The following CSRNP3 variants were observed in gnomAD, a reference collection of about 807,000 sequenced individuals.
CSRNP3 encodes the protein cysteine and serine rich nuclear protein 3, also known as cysteine/serine-rich nuclear protein 3.
Under a neutral mutation model 48.0 loss-of-function variants are expected in CSRNP3, and 12 were observed. The observed-to-expected ratio is 0.25, with a 90% CI of 0.16 to 0.41. The LOEUF (loss-of-function observed/expected upper bound fraction) is 0.41, where lower values mean the gene tolerates loss of function less well. Among genes scored for constraint, CSRNP3 ranks in the 10% least tolerant of loss-of-function variants. The probability of loss-of-function intolerance (pLI) is 1.00; values close to 1 mark genes in which losing one functional copy is unlikely to be tolerated. For synonymous variants in CSRNP3, 263 were observed against 269.7 expected (o/e 0.98, Z 0.24); for missense variants, 580 against 724.4 (o/e 0.80, Z 2.29).
rs150240455 is a variant in CSRNP3, at chr2:165,676,462, C to A, written c.559C>A (p.Arg187Ser). ...LPTKKRRALL[R>S]ASGVKKIDVE... ...AACAAAAAAACGAAGAGCTCTGCTG[C>A]GTGCCTCTGGAGTGAAAAAGATTGA... is the stretch of plus-strand genomic sequence containing the variant. The change falls in exon 6 of 7, where the codon CGT (arginine) becomes AGT (serine). Residue 187 changes from arginine (R) to serine (S), a missense_variant. Physicochemically the swap from Arg to Ser is moderately radical, Grantham distance 110. Coordinates refer to ENST00000651982, the MANE Select transcript of CSRNP3 (RefSeq NM_001172173.2). 3 of 1,614,164 alleles carry A rather than the reference C, an allele frequency of 1.9e-6. No homozygotes were observed. Among genetic ancestry groups the A allele is most frequent in the Non-Finnish European group, 2.5e-6 (3 of 1,180,012 alleles).
intron 3 of CSRNP3, among the ~76,000 whole-genome samples, chr2:165,584,099 A>G (rs921894528): frequency 6.6e-6 from 1 of 152,170 alleles, no homozygotes; most frequent in Non-Finnish European, 1.5e-5. Context: ...AATTTTCTTA[A>G]TTACTATGTT....
intron 2 of CSRNP3, among the ~76,000 whole-genome samples, chr2:165,510,851 A>C (rs997893526): frequency 6.6e-6 from 1 of 152,152 alleles, no homozygotes; most frequent in African/African-American, 2.4e-5. Context: ...TAAATTTTGG[A>C]TTCATCAATA....
chr2:165,666,010 GAAGA>G (rs1360983587), intron 5 of CSRNP3, among the ~76,000 whole-genome samples: 10 of 91,194 alleles, frequency 1.1e-4, no homozygotes, highest in African/African-American at 1.8e-4. Context: ...GGATAGAGAG[GAAGA>G]AAGAAAGAGA....
rs75074133 is a variant in CSRNP3 at position 165,506,652 on chromosome 2, G to A, written c.-112-11221G>A. On this transcript the variant is annotated intron_variant, in intron 2 of 6. Coordinates refer to ENST00000651982, the MANE Select transcript of CSRNP3 (RefSeq NM_001172173.2). ...TCTACCCACTGTTGCTAATATCTGA[G>A]TTTCTTTTTCCTTTTTTATTTGGGG... is the stretch of plus-strand genomic sequence containing the variant. Among the ~76,000 whole-genome samples, 1,427 of 152,212 alleles carry A rather than the reference G, an allele frequency of 9.4e-3. 27 individuals are homozygous for A. The highest frequency in any genetic ancestry group is 0.032 in the African/African-American group (1,334 of 41,536).
At chr2:165,535,414 C>T (rs1684869166) in intron 3 of CSRNP3, among the ~76,000 whole-genome samples, 1 of 151,410 alleles carries the variant, frequency 6.6e-6, no homozygotes, top group African/African-American at 2.4e-5. Flanking sequence ...GGAAGAAAAC[C>T]TTGTCATCTC....
At position 165,679,815 on chromosome 2, in the gene CSRNP3, T is replaced by C; in HGVS notation, c.*62T>C. The C allele has an allele frequency of 6.5e-7, 1 of 1,539,716 alleles. No homozygotes were observed. ...TTAAGGCACTGTATTTAATTGGATTTCCTGGGCTCATCATTGTTTAAACTG... is the reference window on the plus strand; with the variant it reads ...TTAAGGCACTGTATTTAATTGGATTCCCTGGGCTCATCATTGTTTAAACTG... On this transcript the variant is annotated 3_prime_UTR_variant, in exon 7 of 7. Coordinates refer to ENST00000651982, the MANE Select transcript of CSRNP3 (RefSeq NM_001172173.2).
intron 4 of CSRNP3, among the ~76,000 whole-genome samples, chr2:165,632,798 T>G (rs1376300293): frequency 6.6e-6 from 1 of 152,204 alleles, no homozygotes; most frequent in Non-Finnish European, 1.5e-5. Flanking sequence ...CTTTGCATTA[T>G]CAAGTTGAGT....
chr2:165,638,947 T>C (rs575362179), intron 4 of CSRNP3, among the ~76,000 whole-genome samples: 2 of 151,906 alleles, frequency 1.3e-5, no homozygotes, highest in African/African-American at 4.8e-5. Context: ...CAGGGTTAGG[T>C]ACCTGTTGAG....
intron 3 of CSRNP3, among the ~76,000 whole-genome samples, chr2:165,585,454 AT>A (rs1401974232): frequency 6.6e-6 from 1 of 152,130 alleles, no homozygotes; most frequent in African/African-American, 2.4e-5. Flanking sequence ...CACCATTTGA[AT>A]TTGGTGAAGC....
intron 3 of CSRNP3, among the ~76,000 whole-genome samples, chr2:165,569,603 T>C (rs1193290741): frequency 6.6e-6 from 1 of 152,056 alleles, no homozygotes. Context: ...TAAAACATCC[T>C]TTTAATCTTG....
intron 3 of CSRNP3, among the ~76,000 whole-genome samples, chr2:165,543,950 C>G (rs1037910380): frequency 6.6e-6 from 1 of 151,068 alleles, no homozygotes; most frequent in Admixed American, 6.6e-5. Flanking sequence ...TTTCTAGTGA[C>G]GAGAGATAGA....
At position 165,657,965 on chromosome 2, in the gene CSRNP3, G is replaced by A. The variant is rs753115769; in HGVS notation, c.353G>A (p.Arg118Gln). Residue 118 changes from arginine (R) to glutamine (Q), a missense_variant, in exon 5 of 7, where the codon CGG (arginine) becomes CAG (glutamine). Physicochemically the swap from Arg to Gln is conservative, Grantham distance 43 (BLOSUM62 1). This residue lies in a region of CSRNP3 where 62 missense variants were observed against 66.4 expected (regional missense o/e 0.93). Coordinates refer to ENST00000651982, the MANE Select transcript of CSRNP3 (RefSeq NM_001172173.2). Reference sequence around the variant, plus strand: ...GCAAGGGAGCAGGAGAGGCTCCACCGGGAGATGTTGAGAGAACACCTTAGG... The same window carrying A: ...GCAAGGGAGCAGGAGAGGCTCCACCAGGAGATGTTGAGAGAACACCTTAGG... ...EFAREQERLH[R>Q]EMLREHLREE... 68 of 1,613,814 alleles carry A rather than the reference G, an allele frequency of 4.2e-5. No homozygotes were observed. Among genetic ancestry groups the A allele is most frequent in the Non-Finnish European group, 5.0e-5 (59 of 1,179,992 alleles).
intron 3 of CSRNP3, among the ~76,000 whole-genome samples, chr2:165,573,539 G>T (rs947565903): frequency 6.6e-6 from 1 of 152,188 alleles, no homozygotes; most frequent in Non-Finnish European, 1.5e-5. Flanking sequence ...AGACAGACAA[G>T]CATTGCTGCT....
At chr2:165,645,076 G>A (rs1189939661) in intron 4 of CSRNP3, among the ~76,000 whole-genome samples, 1 of 152,090 alleles carries the variant, frequency 6.6e-6, no homozygotes, top group African/African-American at 2.4e-5. Context: ...GCTCATACTT[G>A]TAATTACAGC....
intron 6 of CSRNP3, among the ~76,000 whole-genome samples, chr2:165,677,727 AGCAAGTTTTT>A: frequency 6.6e-6 from 1 of 152,192 alleles, no homozygotes; most frequent in East Asian, 1.9e-4. Flanking sequence ...TGACAAGCAG[AGCAAGTTTTT>A]TTCTCTTGCC....
At chr2:165,667,231 TAGGGACCAGGGC>T (rs1275073219) in intron 5 of CSRNP3, among the ~76,000 whole-genome samples, 1 of 152,158 alleles carries the variant, frequency 6.6e-6, no homozygotes, top group African/African-American at 2.4e-5. Flanking sequence ...GGTCTGAGAT[TAGGGACCAGGGC>T]AGAAAGCCCA....
At chr2:165,484,825 T>TC (rs1231702795) in intron 1 of CSRNP3, among the ~76,000 whole-genome samples, 2 of 152,190 alleles carry the variant, frequency 1.3e-5, no homozygotes, top group Non-Finnish European at 2.9e-5. Flanking sequence ...TTTTGGTAGT[T>TC]CAACCAGAGT....
At chr2:165,650,857 A>C (rs140620383) in intron 4 of CSRNP3, among the ~76,000 whole-genome samples, 1 of 152,354 alleles carries the variant, frequency 6.6e-6, no homozygotes, top group East Asian at 1.9e-4. Flanking sequence ...AAGAGAGATA[A>C]GTTTATTATT....
At chr2:165,494,999 C>A (rs1015720175) in intron 2 of CSRNP3, 71 bp downstream of exon 2, 4 of 152,554 alleles carry the variant, frequency 2.6e-5, no homozygotes, top group African/African-American at 9.7e-5. Context: ...GGGGCTTTAG[C>A]TTAATTCACT....
Sources: gnomAD v4.1 joint callset for allele counts (sites outside exome capture counted in the v4.1 genomes callset) on GRCh38, gnomAD v4.1.1 for gene constraint, gnomAD v4.1.1 regional missense constraint, MANE v1.5 for transcripts, NCBI Gene and HGNC (gene_info 2026-07-23, HGNC 2026-07-21) for gene names.